The following ADGRF5 variants were observed in gnomAD, a reference collection of about 807,000 sequenced individuals.
ADGRF5 encodes the protein G-protein coupled receptor 116.
Under a neutral mutation model 132.3 loss-of-function variants are expected in ADGRF5, and 75 were observed. That is an observed-to-expected ratio of 0.57 (90% CI 0.47 to 0.69). The LOEUF (loss-of-function observed/expected upper bound fraction) is 0.69, where lower values mean the gene tolerates loss of function less well. Ranked by LOEUF, ADGRF5 falls within the 30% of genes least tolerant of loss-of-function variation. The pLI is 0.00. For missense variants in ADGRF5, 1,516 were observed against 1,630.6 expected, an observed-to-expected ratio of 0.93 and a Z score of 1.21; for synonymous variants, 629 against 597.6, an observed-to-expected ratio of 1.05 and a Z score of -0.77.
chr6:46,939,141 A>G (rs1029271152), intron 1 of ADGRF5, among the ~76,000 whole-genome samples: 2 of 152,202 alleles, frequency 1.3e-5, no homozygotes, highest in East Asian at 1.9e-4. Flanking sequence ...AGTTGCTGGG[A>G]TTACAGGCGT....
At chr6:46,867,168 AT>A in intron 12 of ADGRF5, 31 bp from the exon 13 acceptor site, 1 of 1,206,588 alleles carries the variant, frequency 8.3e-7, no homozygotes, top group Non-Finnish European at 1.2e-6. Flanking sequence ...ATGAGATGGA[AT>A]GGAAATAATC....
chr6:46,872,102 G>A lies in ADGRF5; in HGVS notation c.1241-89C>T, dbSNP rs1183295709. 10 of 885,166 alleles carry A rather than the reference G, an allele frequency of 1.1e-5. No homozygotes were observed. The Admixed American group carries it at 2.3e-4, about 21-fold the overall frequency. The allele number at this position is 885,166 out of a possible 1,614,324, so 54.8% of individuals were successfully genotyped here. ...GTCAAATCATTTTTTTTTCATAAAA[G>A]GAGTTACTATTTAAATAGATTTCTT... On this transcript the variant is annotated intron_variant, in intron 10 of 20. Coordinates refer to ENST00000283296, the MANE Select transcript of ADGRF5 (RefSeq NM_001098518.2).
chr6:46,901,591 C>G (rs867379140), intron 2 of ADGRF5, among the ~76,000 whole-genome samples: 3 of 152,182 alleles, frequency 2.0e-5, no homozygotes, highest in African/African-American at 7.2e-5. Flanking sequence ...AATAAGAAAG[C>G]ACAGGCAGAG....
rs1474719489 is a variant in ADGRF5 at position 46,859,070 on chromosome 6, T to C, written c.2833A>G (p.Asn945Asp). ...PFRISMTFKN[N>D]SPSGGETKCV... ...TTCGTTTCGCCGCCTGAAGGGCTATTGTTCTTAAAAGTCATTGAAATCCTG... is the reference window on the plus strand; with the variant it reads ...TTCGTTTCGCCGCCTGAAGGGCTATCGTTCTTAAAAGTCATTGAAATCCTG... The change falls in exon 17 of 21, where the codon AAT becomes GAT. Residue 945 changes from asparagine (N) to aspartate (D), a missense_variant. Asn to Asp is a conservative substitution (Grantham distance 23). Transcript: ENST00000283296. 6.2e-7 allele frequency: 1 copy of C among 1,614,110 alleles called. No homozygotes were observed. Among genetic ancestry groups the C allele is most frequent in the Admixed American group, 1.7e-5 (1 of 60,028 alleles).
At chr6:46,868,195 G>A (rs912483394) in intron 12 of ADGRF5, among the ~76,000 whole-genome samples, 1 of 152,192 alleles carries the variant, frequency 6.6e-6, no homozygotes, top group African/African-American at 2.4e-5. Context: ...GTCAATCTGC[G>A]TTTGCATCCT....
At chr6:46,953,618 G>GA (rs11426832) in intron 1 of ADGRF5, among the ~76,000 whole-genome samples, 74,980 of 108,140 alleles carry the variant, frequency 0.69, 26,084 homozygotes, top group East Asian at 0.81. Context: ...CACAGTCTCA[G>GA]AAAAAAAAAA....
upstream of ADGRF5, among the ~76,000 whole-genome samples, chr6:46,925,755 T>A (rs1427657969): frequency 6.6e-6 from 1 of 152,172 alleles, no homozygotes; most frequent in Non-Finnish European, 1.5e-5. Flanking sequence ...AAAACTCTGT[T>A]GCCTGCTTAA....
intron 12 of ADGRF5, 138 bp downstream of exon 12, chr6:46,868,745 C>A: frequency 1.6e-6 from 1 of 609,384 alleles, no homozygotes; most frequent in South Asian, 2.2e-5. Context: ...AGGAATGTTG[C>A]GTTAAGTGTG....
intron 1 of ADGRF5, among the ~76,000 whole-genome samples, chr6:46,932,564 C>G (rs550024570): frequency 1.3e-4 from 20 of 152,236 alleles, no homozygotes; most frequent in Non-Finnish European, 1.9e-4. Context: ...CAGAGCTCCC[C>G]CATGCCACAA....
upstream of ADGRF5, among the ~76,000 whole-genome samples, chr6:46,925,227 C>G (rs1159225362): frequency 1.1e-4 from 17 of 152,214 alleles, no homozygotes; most frequent in Non-Finnish European, 2.5e-4. Flanking sequence ...ACTTGCTGTT[C>G]TCTCTGCCTG....
intron 1 of ADGRF5, among the ~76,000 whole-genome samples, chr6:46,951,223 T>C (rs1341495760): frequency 2.6e-5 from 4 of 152,220 alleles, no homozygotes; most frequent in South Asian, 4.2e-4. Context: ...GGTGGAAGCC[T>C]GGAGGCAGAA....
At position 46,910,007 on chromosome 6, in the gene ADGRF5, C is replaced by CAATAAAATAA. The variant is rs3030416; in HGVS notation, c.-24-3231_-24-3222dup. ...TCTAACAGAGCAAGACCCTATCTCT[C>CAATAAAATAA]AATAAAATAAAATAAAATAAAATAA... On this transcript the variant is annotated intron_variant, in intron 1 of 20. Transcript: ENST00000283296. Among the ~76,000 whole-genome samples the CAATAAAATAA allele has an allele frequency of 9.2e-3, 1,374 of 148,574 alleles. 20 individuals are homozygous for CAATAAAATAA. The highest frequency in any genetic ancestry group is 0.025 in the African/African-American group (995 of 40,184).
chr6:46,920,408 G>A (rs979171365), intron 1 of ADGRF5, among the ~76,000 whole-genome samples: 4 of 151,428 alleles, frequency 2.6e-5, no homozygotes, highest in Admixed American at 2.6e-4. Flanking sequence ...TAAATCACAA[G>A]AACTTGACAA....
At chr6:46,940,294 A>G (rs1250096564) in intron 1 of ADGRF5, among the ~76,000 whole-genome samples, 1 of 152,136 alleles carries the variant, frequency 6.6e-6, no homozygotes, top group East Asian at 1.9e-4. Context: ...ACTTCTAAAT[A>G]TTTGTTTTGA....
At chr6:46,877,946 G>C (rs1260136258) in intron 10 of ADGRF5, among the ~76,000 whole-genome samples, 2 of 152,100 alleles carry the variant, frequency 1.3e-5, no homozygotes, top group African/African-American at 4.8e-5. Flanking sequence ...AAGTCATCGG[G>C]ATCCTAATTT....
intron 1 of ADGRF5, among the ~76,000 whole-genome samples, chr6:46,942,843 A>G (rs867814898): frequency 2.1e-4 from 32 of 152,200 alleles, no homozygotes; most frequent in African/African-American, 7.7e-4. Flanking sequence ...ATGCATAACC[A>G]TGAGAGATGT....
At chr6:46,930,781 G>A (rs1426114562) in intron 1 of ADGRF5, among the ~76,000 whole-genome samples, 2 of 152,080 alleles carry the variant, frequency 1.3e-5, no homozygotes, top group African/African-American at 4.8e-5. Flanking sequence ...GGCTGGGTGC[G>A]GCAGCTCACG....
chr6:46,876,749 G>A (rs1344517943), intron 10 of ADGRF5, among the ~76,000 whole-genome samples: 3 of 152,060 alleles, frequency 2.0e-5, no homozygotes, highest in Admixed American at 6.6e-5. Flanking sequence ...AACTACAGGT[G>A]CACACCACCA....
intron 10 of ADGRF5, among the ~76,000 whole-genome samples, chr6:46,872,982 G>A (rs1415912920): frequency 4.6e-5 from 7 of 152,078 alleles, no homozygotes; most frequent in Admixed American, 3.9e-4. Context: ...TTTGAAACAC[G>A]AAACTGATTT....
Sources: allele counts gnomAD v4.1 joint callset (sites outside exome capture counted in the v4.1 genomes callset), GRCh38; gene constraint gnomAD v4.1.1; transcripts MANE v1.5; gene names NCBI Gene and HGNC (gene_info 2026-07-23, HGNC 2026-07-21).